The following CRIM1 variants were observed in gnomAD, a reference collection of about 807,000 sequenced individuals.
CRIM1 encodes cysteine rich transmembrane BMP regulator 1.
CRIM1 carries 32 observed loss-of-function variants against 116.4 expected under a neutral mutation model. The ratio of observed to expected loss-of-function variants is 0.27; its 90% CI spans 0.21 to 0.37. The LOEUF is 0.37. Ranked by LOEUF, CRIM1 falls within the 10% of genes least tolerant of loss-of-function variation. The probability of loss-of-function intolerance (pLI) is 1.00; values close to 1 mark genes in which losing one functional copy is unlikely to be tolerated. For missense variants in CRIM1, 1,331 were observed against 1,354.8 expected (o/e 0.98, Z 0.28); for synonymous variants, 590 against 509.2 (o/e 1.16, Z -2.13).
At chr2:36,430,786 C>A (rs866112402) in intron 2 of CRIM1, among the ~76,000 whole-genome samples, 1 of 152,128 alleles carries the variant, frequency 6.6e-6, no homozygotes, top group East Asian at 1.9e-4. Flanking sequence ...CAGGGAGAGC[C>A]TTTATGGTAT....
intron 1 of CRIM1, among the ~76,000 whole-genome samples, chr2:36,361,030 C>T (rs1047189561): frequency 7.2e-5 from 11 of 152,086 alleles, no homozygotes; most frequent in African/African-American, 2.7e-4. Context: ...ATAATTAGTT[C>T]CTCCCAAAAG....
intron 7 of CRIM1, among the ~76,000 whole-genome samples, chr2:36,486,278 A>G (rs1027587704): frequency 6.6e-6 from 1 of 152,198 alleles, no homozygotes; most frequent in African/African-American, 2.4e-5. Flanking sequence ...AAGTGTAGAA[A>G]TAAATGTTGT....
chr2:36,401,741 A>G (rs1672417789), intron 2 of CRIM1, among the ~76,000 whole-genome samples: 1 of 152,242 alleles, frequency 6.6e-6, no homozygotes, highest in African/African-American at 2.4e-5. Context: ...AGTGGTCATA[A>G]TTCAAGAATT....
intron 8 of CRIM1, 93 bp downstream of exon 8, chr2:36,499,440 C>G (rs974671226): frequency 1.5e-6 from 2 of 1,315,000 alleles, no homozygotes; most frequent in African/African-American, 3.0e-5. Flanking sequence ...CACTTCTGTT[C>G]AGACATTCCC....
intron 14 of CRIM1, among the ~76,000 whole-genome samples, chr2:36,539,956 G>A (rs1020621097): frequency 2.6e-5 from 4 of 152,208 alleles, no homozygotes; most frequent in Non-Finnish European, 5.9e-5. Context: ...TGAGAGCACC[G>A]AAGGGTAAGA....
intron 1 of CRIM1, among the ~76,000 whole-genome samples, chr2:36,361,445 A>G (rs761267275): frequency 1.3e-5 from 2 of 152,162 alleles, no homozygotes; most frequent in Non-Finnish European, 2.9e-5. Context: ...AATGACCGGG[A>G]TGAATGAGTG....
intron 1 of CRIM1, among the ~76,000 whole-genome samples, chr2:36,379,947 T>A (rs146747290): frequency 0.014 from 2,083 of 151,036 alleles, 163 homozygotes; most frequent in Admixed American, 0.13. Flanking sequence ...AATGTAGACA[T>A]TTAGTTGAAG....
intron 13 of CRIM1, among the ~76,000 whole-genome samples, chr2:36,524,908 C>T (rs572642311): frequency 1.3e-5 from 2 of 152,148 alleles, no homozygotes; most frequent in South Asian, 4.2e-4. Flanking sequence ...CAGTTTGGCT[C>T]AAATTTGTGA....
intron 1 of CRIM1, among the ~76,000 whole-genome samples, chr2:36,379,780 C>T (rs1270984207): frequency 2.6e-4 from 28 of 109,352 alleles, no homozygotes; most frequent in African/African-American, 7.3e-4. Context: ...AAAGCAATTG[C>T]TTAGAATGAG....
chr2:36,514,016 A>T (rs1227467740), intron 11 of CRIM1, among the ~76,000 whole-genome samples: 1 of 152,186 alleles, frequency 6.6e-6, no homozygotes, highest in Non-Finnish European at 1.5e-5. Context: ...CAGTTATGTA[A>T]GGTCTTTGGA....
intron 2 of CRIM1, among the ~76,000 whole-genome samples, chr2:36,435,923 G>A (rs1298036941): frequency 6.9e-5 from 4 of 58,086 alleles, no homozygotes; most frequent in African/African-American, 1.3e-4. Context: ...TATCTGGGCA[G>A]GCTTTTTTTT....
At chr2:36,403,367 ACAAT>A (rs1286156837) in intron 2 of CRIM1, among the ~76,000 whole-genome samples, 3 of 152,230 alleles carry the variant, frequency 2.0e-5, no homozygotes, top group Non-Finnish European at 4.4e-5. Context: ...GAAAAAATAG[ACAAT>A]CAAAAATTGG....
At chr2:36,388,558 A>G (rs1012794629) in intron 1 of CRIM1, among the ~76,000 whole-genome samples, 6 of 152,192 alleles carry the variant, frequency 3.9e-5, no homozygotes, top group African/African-American at 1.4e-4. Context: ...TGGAGCTTAG[A>G]GAGCTAAATG....
At chr2:36,506,049 A>AG (rs1414828057) in intron 8 of CRIM1, among the ~76,000 whole-genome samples, 2 of 151,984 alleles carry the variant, frequency 1.3e-5, no homozygotes, top group Admixed American at 1.3e-4. Flanking sequence ...TCCAGGGTTG[A>AG]GGGTGGCCAC....
In CRIM1 at chr2:36,476,390, A is replaced by G. The variant is rs535019513; in HGVS notation, c.992-499A>G. ...AGTATTTTGTTAAAGGCCAAACACT[A>G]TTAAAATTATACGTGTTTATACCAT... is the stretch of plus-strand genomic sequence containing the variant. On this transcript the variant is annotated intron_variant, in intron 5 of 16. Coordinates refer to ENST00000280527, the MANE Select transcript of CRIM1 (RefSeq NM_016441.3). Among the ~76,000 whole-genome samples, 6 of 152,362 alleles carry G rather than the reference A, an allele frequency of 3.9e-5. No homozygotes were observed. The South Asian group carries it at 8.3e-4, about 21-fold the overall frequency.
chr2:36,533,941 A>C (rs1306132590), intron 13 of CRIM1, among the ~76,000 whole-genome samples: 5 of 138,674 alleles, frequency 3.6e-5, no homozygotes, highest in African/African-American at 1.0e-4. Context: ...AATGAAGGAG[A>C]GAGGGAAGGA....
chr2:36,548,627 G>A lies in CRIM1; in HGVS notation c.3037G>A (p.Ala1013Thr), dbSNP rs752105688. Residue 1013 changes from alanine (A) to threonine (T), a missense_variant, in exon 17 of 17, where the codon GCA becomes ACA. Ala to Thr is a moderately conservative substitution (Grantham distance 58). Coordinates refer to ENST00000280527, the MANE Select transcript of CRIM1 (RefSeq NM_016441.3). ...AATGCTAAGAATTGCAGAACCAGAT[G>A]CAAGATTCAGTGGCTTCTACAGCAT... is the stretch of plus-strand genomic sequence containing the variant. ...QRMLRIAEPD[A>T]RFSGFYSMQK... 5 of 1,612,712 alleles carry A rather than the reference G, an allele frequency of 3.1e-6. No homozygotes were observed. The highest frequency in any genetic ancestry group is 3.4e-5 in the Admixed American group (2 of 59,688).
chr2:36,543,938 G>C (rs1450963062), intron 14 of CRIM1, among the ~76,000 whole-genome samples: 2 of 152,150 alleles, frequency 1.3e-5, no homozygotes, highest in East Asian at 3.9e-4. Context: ...AAGTCCATAA[G>C]AAGTGGACAG....
At chr2:36,362,523 A>G (rs1477165736) in intron 1 of CRIM1, among the ~76,000 whole-genome samples, 1 of 152,158 alleles carries the variant, frequency 6.6e-6, no homozygotes, top group Non-Finnish European at 1.5e-5. Flanking sequence ...TCTTTGTTCT[A>G]GCTTGTTTCA....
Sources: allele counts gnomAD v4.1 joint callset (sites outside exome capture counted in the v4.1 genomes callset), GRCh38; gene constraint gnomAD v4.1.1; transcripts MANE v1.5; gene names NCBI Gene and HGNC (gene_info 2026-07-23, HGNC 2026-07-21).